USP24: variants seen among roughly 807,000 people sequenced by gnomAD.
The protein encoded by USP24 is ubiquitin specific peptidase 24.
A neutral mutation model predicts 361.6 loss-of-function variants in USP24; 97 were observed. The ratio of observed to expected loss-of-function variants is 0.27; its 90% CI spans 0.23 to 0.32. The LOEUF is 0.32. USP24 is among the 10% of genes least tolerant of loss of function. The pLI is 1.00. For missense variants in USP24, 2,353 were observed against 3,165.6 expected, an observed-to-expected ratio of 0.74 and a Z score of 6.16; for synonymous variants, 1,098 against 1,124.6, an observed-to-expected ratio of 0.98 and a Z score of 0.47.
intron 56 of USP24, among the ~76,000 whole-genome samples, chr1:55,085,476 G>A (rs1216227437): frequency 3.3e-5 from 5 of 152,230 alleles, no homozygotes; most frequent in Non-Finnish European, 7.3e-5. Context: ...GGAAGTAACT[G>A]CTGTACCTGT....
chr1:55,066,556 C>T lies in USP24; in HGVS notation c.*2489G>A, dbSNP rs1644828253. On this transcript the variant is annotated 3_prime_UTR_variant, in exon 68 of 68. Coordinates refer to ENST00000294383, the MANE Select transcript of USP24 (RefSeq NM_015306.3). ...GCTCAGAAGGTAACTGCACACACCTCGATGTTAGCAGGGAAGGTGGGGCAG... is the reference window on the plus strand; with the variant it reads ...GCTCAGAAGGTAACTGCACACACCTTGATGTTAGCAGGGAAGGTGGGGCAG... 6.6e-6 allele frequency: 1 copy of T among 152,102 alleles called. No homozygotes were observed. The highest frequency in any genetic ancestry group is 2.1e-4 in the South Asian group (1 of 4,822). 9.4% of individuals were successfully genotyped at this position (152,102 alleles called of 1,614,324 possible).
intron 2 of USP24, among the ~76,000 whole-genome samples, chr1:55,177,094 C>CA (rs61532738): frequency 0.14 from 18,059 of 131,438 alleles, 1,257 homozygotes; most frequent in Middle Eastern, 0.26. Flanking sequence ...AATCAAAAAC[C>CA]AAAAAAAAAA....
In USP24 at chr1:55,154,785, A is replaced by T. The variant is rs1469496341; in HGVS notation, c.1447-7T>A. ...CAGTAGATGATTGTCCTGACTGGAA[A>T]AGGAAACATTGGAAAAAAATTAAGT... On this transcript the variant is annotated splice_region_variant and splice_polypyrimidine_tract_variant and intron_variant, in intron 12 of 67. Coordinates refer to ENST00000294383, the MANE Select transcript of USP24 (RefSeq NM_015306.3). 1.2e-6 allele frequency: 2 copies of T among 1,603,688 alleles called. No homozygotes were observed. The highest frequency in any genetic ancestry group is 1.7e-6 in the Non-Finnish European group (2 of 1,174,968).
intron 1 of USP24, among the ~76,000 whole-genome samples, chr1:55,181,366 A>G (rs751821108): frequency 6.7e-4 from 102 of 152,204 alleles, no homozygotes; most frequent in Non-Finnish European, 1.8e-4. Flanking sequence ...TGAACTAAGT[A>G]CGCTTAGAAT....
chr1:55,208,619 ACT>A (rs538178095), intron 1 of USP24, among the ~76,000 whole-genome samples: 42 of 150,924 alleles, frequency 2.8e-4, no homozygotes, highest in African/African-American at 1.0e-3. Flanking sequence ...ACAAAACTAC[ACT>A]CTGTCTCAAA....
chr1:55,143,151 G>T, intron 21 of USP24, 32 bp from the exon 22 acceptor site: 1 of 1,418,946 alleles, frequency 7.0e-7, no homozygotes, highest in Non-Finnish European at 9.3e-7. Context: ...AAATTATAAA[G>T]CATATCAAGA....
rs375951611 is a variant in USP24 at position 55,140,095 on chromosome 1, C to A, written c.2751-1085G>T. 2.0e-5 allele frequency among the ~76,000 whole-genome samples: 3 copies of A among 151,710 alleles called. No individual in the cohort carries two copies. In the South Asian group the frequency reaches 6.2e-4, roughly 32 times the overall value. ...AAACTACAATGTTCTGGTTCAAATT[C>A]GACTTTGAAGCTATATATTCTTATT... On this transcript the variant is annotated intron_variant, in intron 24 of 67. Coordinates refer to ENST00000294383, the MANE Select transcript of USP24 (RefSeq NM_015306.3).
intron 9 of USP24, among the ~76,000 whole-genome samples, chr1:55,159,290 T>G (rs1648020522): frequency 6.6e-6 from 1 of 152,208 alleles, no homozygotes; most frequent in South Asian, 2.1e-4. Context: ...AAAATTGCTT[T>G]AAACAACTCT....
intron 1 of USP24, among the ~76,000 whole-genome samples, chr1:55,188,370 T>TTTTGTGC (rs1039042696): frequency 4.0e-5 from 6 of 151,874 alleles, no homozygotes; most frequent in African/African-American, 1.5e-4. Flanking sequence ...AAATAAAAAT[T>TTTTGTGC]TTTGTGCATC....
intron 47 of USP24, 80 bp downstream of exon 47, chr1:55,097,863 A>C: frequency 1.8e-5 from 28 of 1,530,148 alleles, no homozygotes; most frequent in Non-Finnish European, 2.5e-5. Context: ...TAGGAGCTTA[A>C]TACTGATTTT....
chr1:55,139,085 C>T (rs927736255), intron 24 of USP24, 75 bp from the exon 25 acceptor site: 5 of 1,330,158 alleles, frequency 3.8e-6, no homozygotes, highest in African/African-American at 3.0e-5. Flanking sequence ...GTCTGTTTCA[C>T]CAAAACCACA....
chr1:55,190,489 C>CA (rs1644257946), intron 1 of USP24, among the ~76,000 whole-genome samples: 2 of 152,160 alleles, frequency 1.3e-5, no homozygotes, highest in Non-Finnish European at 2.9e-5. Flanking sequence ...CAAAGCAGCT[C>CA]AGTATCGTTC....
intron 54 of USP24, among the ~76,000 whole-genome samples, chr1:55,090,312 A>C (rs1183985528): frequency 2.0e-5 from 3 of 152,220 alleles, no homozygotes; most frequent in Admixed American, 2.0e-4. Flanking sequence ...CAAAATGGAA[A>C]TAGTGGGCCA....
At chr1:55,151,970 T>C (rs1647207376) in intron 16 of USP24, 1 of 985,678 alleles carries the variant, frequency 1.0e-6, no homozygotes, top group African/African-American at 1.7e-5. Context: ...CAGCCCACCT[T>C]GCTGCCTGGC....
At chr1:55,205,458 A>G (rs898631182) in intron 1 of USP24, among the ~76,000 whole-genome samples, 1 of 152,208 alleles carries the variant, frequency 6.6e-6, no homozygotes, top group Non-Finnish European at 1.5e-5. Flanking sequence ...GCATCTTCTG[A>G]GCCAGTTTTC....
chr1:55,097,282 AC>A, intron 48 of USP24, 110 bp from the exon 49 acceptor site: 2 of 1,225,994 alleles, frequency 1.6e-6, no homozygotes, highest in Non-Finnish European at 2.3e-6. Flanking sequence ...TAAGCTAGGA[AC>A]AACTACCTCA....
At chr1:55,196,272 G>A (rs908396671) in intron 1 of USP24, among the ~76,000 whole-genome samples, 2 of 152,018 alleles carry the variant, frequency 1.3e-5, no homozygotes, top group African/African-American at 2.4e-5. Context: ...GAGCACCTTC[G>A]AGCTCAGTCC....
At chr1:55,213,696 T>C (rs924408256) in intron 1 of USP24, among the ~76,000 whole-genome samples, 2 of 152,202 alleles carry the variant, frequency 1.3e-5, no homozygotes, top group Admixed American at 6.5e-5. Context: ...TGAGCTACTA[T>C]GTTTCTGCAA....
intron 1 of USP24, among the ~76,000 whole-genome samples, chr1:55,209,699 G>A (rs1413952184): frequency 1.3e-5 from 2 of 152,048 alleles, no homozygotes; most frequent in African/African-American, 4.8e-5. Context: ...TTAGTGAGTG[G>A]AGTGCATGAG....
Sources: allele counts gnomAD v4.1 joint callset (sites outside exome capture counted in the v4.1 genomes callset), GRCh38; gene constraint gnomAD v4.1.1; transcripts MANE v1.5; gene names NCBI Gene and HGNC (gene_info 2026-07-23, HGNC 2026-07-21).